The following SUGCT variants were observed in gnomAD, a reference collection of about 807,000 sequenced individuals.
SUGCT encodes succinyl-CoA:glutarate-CoA transferase.
In SUGCT, 41 loss-of-function variants were observed where a neutral mutation model predicts 55.0. That is an observed-to-expected ratio of 0.74 (90% CI 0.58 to 0.97). SUGCT has a LOEUF of 0.97. SUGCT is among the 50% of genes least tolerant of loss of function. SUGCT has a pLI of 0.00. For missense variants in SUGCT, 568 were observed against 547.8 expected, an observed-to-expected ratio of 1.04 and a Z score of -0.37; for synonymous variants, 187 against 200.4, an observed-to-expected ratio of 0.93 and a Z score of 0.56.
At chr7:40,430,900 A>T (rs572137914) in intron 9 of SUGCT, among the ~76,000 whole-genome samples, 1 of 151,982 alleles carries the variant, frequency 6.6e-6, no homozygotes, top group South Asian at 2.1e-4. Context: ...TCAGCACTGG[A>T]GGTCAGAAGT....
intron 9 of SUGCT, among the ~76,000 whole-genome samples, chr7:40,404,500 C>T (rs551415947): frequency 2.6e-5 from 4 of 151,718 alleles, no homozygotes; most frequent in African/African-American, 7.3e-5. Context: ...TGCAGTGGCA[C>T]GATCTCGGCT....
intron 6 of SUGCT, chr7:40,217,517 C>T: frequency 2.5e-6 from 1 of 399,938 alleles, no homozygotes; most frequent in Non-Finnish European, 5.0e-6. Context: ...TGGCCAACTT[C>T]CTGAATTATC....
chr7:40,655,823 G>T (rs1800993946), intron 12 of SUGCT, among the ~76,000 whole-genome samples: 1 of 152,122 alleles, frequency 6.6e-6, no homozygotes, highest in Non-Finnish European at 1.5e-5. Context: ...ATCCAATGGA[G>T]AATACTTTTA....
the SUGCT span, among the ~76,000 whole-genome samples, chr7:41,037,253 T>G: frequency 6.6e-6 from 1 of 152,006 alleles, no homozygotes; most frequent in Non-Finnish European, 1.5e-5. Flanking sequence ...CCGAATCATT[T>G]CCCCCCACAT....
At chr7:40,319,582 C>T (rs1425916321) in intron 9 of SUGCT, among the ~76,000 whole-genome samples, 1 of 152,098 alleles carries the variant, frequency 6.6e-6, no homozygotes, top group African/African-American at 2.4e-5. Flanking sequence ...AGATTGTATA[C>T]CTCAAATGCA....
In SUGCT at chr7:40,743,375, A is replaced by C. The variant is rs146600849; in HGVS notation, c.1090-6059A>C. Among the ~76,000 whole-genome samples the C allele has an allele frequency of 3.0e-4, 46 of 152,364 alleles. No individual in the cohort carries two copies. The East Asian group carries it at 8.1e-3, about 27-fold the overall frequency. ...AACCAAAAGGAAGTACCTGCAATTTACTCAGTTAATTCAATTTAATTTAAA... is the reference window on the plus strand; with the variant it reads ...AACCAAAAGGAAGTACCTGCAATTTCCTCAGTTAATTCAATTTAATTTAAA... On this transcript the variant is annotated intron_variant, in intron 12 of 13. Transcript: ENST00000335693.
At chr7:40,991,050 T>C in the SUGCT span, among the ~76,000 whole-genome samples, 1 of 152,246 alleles carries the variant, frequency 6.6e-6, no homozygotes, top group African/African-American at 2.4e-5. Flanking sequence ...ACAAGAGGCC[T>C]AGCTTTTGGC....
At chr7:40,309,285 A>G (rs1795013212) in intron 8 of SUGCT, among the ~76,000 whole-genome samples, 1 of 149,016 alleles carries the variant, frequency 6.7e-6, no homozygotes, top group South Asian at 2.2e-4. Context: ...GGCACATAGT[A>G]AGTGTGATAT....
intron 9 of SUGCT, among the ~76,000 whole-genome samples, chr7:40,365,150 A>G (rs988553704): frequency 1.2e-4 from 19 of 152,366 alleles, no homozygotes; most frequent in African/African-American, 4.3e-4. Flanking sequence ...AAACAGAACC[A>G]AAGACAAAAA....
At chr7:41,018,528 C>T in the SUGCT span, among the ~76,000 whole-genome samples, 2 of 152,150 alleles carry the variant, frequency 1.3e-5, no homozygotes, top group Non-Finnish European at 2.9e-5. Context: ...AAAACCAAGT[C>T]CTTTATTTTG....
At chr7:40,232,415 A>G (rs964034083) in intron 6 of SUGCT, among the ~76,000 whole-genome samples, 1 of 152,112 alleles carries the variant, frequency 6.6e-6, no homozygotes, top group Non-Finnish European at 1.5e-5. Context: ...GTGGGGTTCT[A>G]AGAGTATGAG....
At chr7:40,887,424 G>T in the SUGCT span, among the ~76,000 whole-genome samples, 1 of 152,184 alleles carries the variant, frequency 6.6e-6, no homozygotes, top group Non-Finnish European at 1.5e-5. Flanking sequence ...AGGAGTCATG[G>T]AGACAAGTAT....
chr7:40,368,266 C>T (rs546829709), intron 9 of SUGCT, among the ~76,000 whole-genome samples: 3 of 149,288 alleles, frequency 2.0e-5, no homozygotes, highest in South Asian at 2.2e-4. Flanking sequence ...TGGCTGATCT[C>T]GGCTCACTGC....
intron 11 of SUGCT, among the ~76,000 whole-genome samples, chr7:40,464,576 A>G (rs1789997743): frequency 6.6e-6 from 1 of 152,218 alleles, no homozygotes; most frequent in Admixed American, 6.5e-5. Flanking sequence ...CCCAACTTAC[A>G]ATTTTTTAAA....
chr7:40,186,217 TCTCCC>T (rs1471121506), intron 3 of SUGCT, among the ~76,000 whole-genome samples: 26 of 93,924 alleles, frequency 2.8e-4, no homozygotes, highest in African/African-American at 9.1e-4. Flanking sequence ...CCTTCCCTCC[TCTCCC>T]CTCCCCTCCC....
chr7:40,436,149 G>C (rs971510032), intron 9 of SUGCT, among the ~76,000 whole-genome samples: 1 of 151,682 alleles, frequency 6.6e-6, no homozygotes, highest in Non-Finnish European at 1.5e-5. Context: ...CGTCATGTTG[G>C]CCAGGCTGGT....
intron 12 of SUGCT, among the ~76,000 whole-genome samples, chr7:40,627,492 CCAAT>C (rs1275546746): frequency 6.6e-6 from 1 of 152,142 alleles, no homozygotes; most frequent in African/African-American, 2.4e-5. Context: ...TGGAAAGCAA[CCAAT>C]CAGAGGCTAA....
chr7:40,532,395 G>C (rs1389284732), intron 12 of SUGCT, among the ~76,000 whole-genome samples: 3 of 152,122 alleles, frequency 2.0e-5, no homozygotes, highest in Admixed American at 2.0e-4. Context: ...CTAATGATAA[G>C]CATTAGATAG....
At chr7:40,799,046 G>A (rs1025375337) in intron 13 of SUGCT, among the ~76,000 whole-genome samples, 9 of 152,132 alleles carry the variant, frequency 5.9e-5, no homozygotes, top group African/African-American at 2.4e-5. Flanking sequence ...CTGGATGGTA[G>A]CCCACAGCCC....
Sources: allele counts gnomAD v4.1 joint callset (sites outside exome capture counted in the v4.1 genomes callset), GRCh38; gene constraint gnomAD v4.1.1; transcripts MANE v1.5; gene names NCBI Gene and HGNC (gene_info 2026-07-23, HGNC 2026-07-21).